DTNA: variants seen among roughly 807,000 people sequenced by gnomAD.
DTNA encodes the protein dystrophin-related protein 3.
In DTNA, 43 loss-of-function variants were observed where a neutral mutation model predicts 100.7. The observed-to-expected ratio is 0.43, with a 90% confidence interval of 0.33 to 0.55. The LOEUF (loss-of-function observed/expected upper bound fraction) is 0.55. Among genes scored for constraint, DTNA ranks in the 20% least tolerant of loss-of-function variants. The pLI is 0.04. For missense variants in DTNA, 798 were observed against 953.9 expected (o/e 0.84, Z 2.15); for synonymous variants, 349 against 347.9 (o/e 1.00, Z -0.04).
chr18:34,566,270 G>T (rs1400411068), intron 1 of DTNA, among the ~76,000 whole-genome samples: 1 of 150,114 alleles, frequency 6.7e-6, no homozygotes, highest in Admixed American at 6.6e-5. Context: ...AGAGAAGAGA[G>T]AAATTAATCT....
chr18:34,679,735 A>G (rs1012430511), intron 1 of DTNA: 3 of 152,148 alleles, frequency 2.0e-5, no homozygotes, highest in South Asian at 2.1e-4. Context: ...AATATTATCA[A>G]TGCCTTTCAG....
At chr18:34,844,830 TA>T (rs2096347200) in intron 13 of DTNA, among the ~76,000 whole-genome samples, 1 of 152,166 alleles carries the variant, frequency 6.6e-6, no homozygotes, top group Non-Finnish European at 1.5e-5. Flanking sequence ...AAATCTTTGC[TA>T]AATCACACTT....
At chr18:34,609,529 C>G (rs1013766468) in intron 1 of DTNA, among the ~76,000 whole-genome samples, 4 of 152,172 alleles carry the variant, frequency 2.6e-5, no homozygotes, top group Non-Finnish European at 5.9e-5. Context: ...CAGGCGTGAG[C>G]CACCGCGCCT....
chr18:34,878,973 A>T (rs1003035781), intron 19 of DTNA, among the ~76,000 whole-genome samples: 3 of 152,204 alleles, frequency 2.0e-5, no homozygotes, highest in Admixed American at 6.5e-5. Flanking sequence ...TTAGATTAAG[A>T]TTACCAAACG....
intron 1 of DTNA, among the ~76,000 whole-genome samples, chr18:34,694,637 A>T (rs752471503): frequency 1.3e-5 from 2 of 152,150 alleles, no homozygotes; most frequent in Admixed American, 1.3e-4. Flanking sequence ...AAAAACTTGC[A>T]GTATTTTTAC....
intron 1 of DTNA, among the ~76,000 whole-genome samples, chr18:34,657,380 A>C (rs2074539514): frequency 6.6e-6 from 1 of 152,222 alleles, no homozygotes; most frequent in African/African-American, 2.4e-5. Flanking sequence ...AATTTTTAAA[A>C]AAACTTGTCA....
chr18:34,695,690 A>G (rs574542769), intron 1 of DTNA, among the ~76,000 whole-genome samples: 4 of 152,252 alleles, frequency 2.6e-5, no homozygotes, highest in Admixed American at 6.5e-5. Context: ...AGCGTTTAAC[A>G]TAATGTCCTT....
At chr18:34,558,543 G>A (rs746505333) in intron 1 of DTNA, among the ~76,000 whole-genome samples, 2 of 152,072 alleles carry the variant, frequency 1.3e-5, no homozygotes, top group African/African-American at 4.8e-5. Context: ...CTACTGGAGG[G>A]AAAATAATAC....
At chr18:34,814,454 G>A (rs971182100) in intron 6 of DTNA, among the ~76,000 whole-genome samples, 1 of 152,014 alleles carries the variant, frequency 6.6e-6, no homozygotes, top group Non-Finnish European at 1.5e-5. Context: ...AGAGGCTGAG[G>A]CAGGAGGAGA....
intron 1 of DTNA, among the ~76,000 whole-genome samples, chr18:34,588,727 A>C (rs942530604): frequency 7.4e-6 from 1 of 135,300 alleles, no homozygotes; most frequent in Non-Finnish European, 1.6e-5. Context: ...AAGGTAAAAT[A>C]ATGTCATTAC....
intron 3 of DTNA, among the ~76,000 whole-genome samples, chr18:34,792,027 G>T (rs1241370895): frequency 1.3e-5 from 2 of 151,636 alleles, no homozygotes; most frequent in African/African-American, 4.8e-5. Context: ...ATTATTTTGA[G>T]TAATTGTTAA....
intron 1 of DTNA, among the ~76,000 whole-genome samples, chr18:34,723,497 A>G (rs923933067): frequency 6.6e-6 from 1 of 152,246 alleles, no homozygotes; most frequent in African/African-American, 2.4e-5. Context: ...TCTGAAATAA[A>G]TATGTGAGAC....
At chr18:34,854,729 G>A (rs1239517629) in intron 15 of DTNA, among the ~76,000 whole-genome samples, 1 of 152,158 alleles carries the variant, frequency 6.6e-6, no homozygotes, top group Admixed American at 6.5e-5. Flanking sequence ...AACAAGCATG[G>A]AGCCATCCAT....
intron 18 of DTNA, 80 bp downstream of exon 18, chr18:34,875,478 G>A: frequency 6.3e-6 from 10 of 1,598,170 alleles, no homozygotes; most frequent in Non-Finnish European, 8.6e-6. Context: ...GTCAAGAGTT[G>A]TCAGAACCAC....
At chr18:34,761,656 G>A in intron 2 of DTNA, among the ~76,000 whole-genome samples, 2 of 152,204 alleles carry the variant, frequency 1.3e-5, no homozygotes, top group East Asian at 3.8e-4. Context: ...ACTATGACAT[G>A]GGTACAAGAG....
In DTNA at chr18:34,848,352, C is replaced by T. The variant is rs751124965; in HGVS notation, c.1403C>T (p.Ala468Val). Residue 468 changes from alanine to valine, a missense_variant, in exon 14 of 23, where the codon GCG becomes GTG. Physicochemically the swap from Ala to Val is moderately conservative, Grantham distance 64. Transcript: ENST00000444659. ...DEEHRLIARY[A>V]ARLAAESSSS... ...GAACACAGGCTAATTGCCAGGTATG[C>T]GGCAAGGCTGGCAGCAGAGTCCTCT... is the stretch of plus-strand genomic sequence containing the variant. 2 of 1,613,932 alleles carry T rather than the reference C, an allele frequency of 1.2e-6. No individual in the cohort carries two copies. Among genetic ancestry groups the T allele is most frequent in the Non-Finnish European group, 1.7e-6 (2 of 1,179,928 alleles).
At chr18:34,880,912 C>T (rs540748154) in intron 20 of DTNA, among the ~76,000 whole-genome samples, 7 of 152,270 alleles carry the variant, frequency 4.6e-5, no homozygotes, top group Non-Finnish European at 7.4e-5. Context: ...CTGGTAAATT[C>T]ATATCTATTT....
intron 1 of DTNA, among the ~76,000 whole-genome samples, chr18:34,719,613 G>A (rs1487007491): frequency 6.6e-6 from 1 of 152,122 alleles, no homozygotes; most frequent in Non-Finnish European, 1.5e-5. Flanking sequence ...CAAAGTGCCT[G>A]ACATATAGTA....
intron 1 of DTNA, among the ~76,000 whole-genome samples, chr18:34,517,348 C>T (rs1313604678): frequency 6.6e-6 from 1 of 151,998 alleles, no homozygotes; most frequent in Admixed American, 6.6e-5. Flanking sequence ...AACTTGTCAC[C>T]CAATTTACCC....
Sources: allele counts gnomAD v4.1 joint callset (sites outside exome capture counted in the v4.1 genomes callset), GRCh38; gene constraint gnomAD v4.1.1; transcripts MANE v1.5; gene names NCBI Gene and HGNC (gene_info 2026-07-23, HGNC 2026-07-21).